The following C1QL3 variants were observed in gnomAD, a reference collection of about 807,000 sequenced individuals.
C1QL3 encodes the protein complement C1q-like protein 3.
Under a neutral mutation model 16.6 loss-of-function variants are expected in C1QL3, and 4 were observed. That is an observed-to-expected ratio of 0.24 (90% CI 0.12 to 0.55). The LOEUF (loss-of-function observed/expected upper bound fraction) is 0.55, where lower values mean the gene tolerates loss of function less well. Ranked by LOEUF, C1QL3 falls within the 20% of genes least tolerant of loss-of-function variation. The pLI is 0.94. For synonymous variants in C1QL3, 189 were observed against 160.2 expected (o/e 1.18, Z -1.36); for missense variants, 269 against 365.6 (o/e 0.74, Z 2.16).
chr10:16,516,794 G>A (rs1217178235), intron 1 of C1QL3, among the ~76,000 whole-genome samples: 1 of 152,206 alleles, frequency 6.6e-6, no homozygotes, highest in African/African-American at 2.4e-5. Context: ...ATGCATTAGA[G>A]TGATTCCACA....
In C1QL3 at chr10:16,521,341, G is replaced by A. The variant is rs567871011; in HGVS notation, c.-276C>T. The A allele has an allele frequency of 2.8e-5, 10 of 354,862 alleles. No homozygotes were observed. The highest frequency in any genetic ancestry group is 1.4e-4 in the East Asian group (3 of 21,152). 22.0% of individuals were successfully genotyped at this position (354,862 alleles called of 1,614,324 possible). On this transcript the variant is annotated 5_prime_UTR_variant, in exon 1 of 2. Coordinates refer to ENST00000298943, the MANE Select transcript of C1QL3 (RefSeq NM_001010908.2). ...GCCGAAGTCCCGAGCCCGGGGTGGG[G>A]GCCGGGGGAGGGGTGCGCGGGGCGC...
Position 16,514,451 on chromosome 10 carries a change from G to A in C1QL3, c.*77C>T, listed in dbSNP as rs1453655797. On this transcript the variant is annotated 3_prime_UTR_variant, in exon 2 of 2. Transcript: ENST00000298943. ...AGGTGCCCTGCCATTGGCATCCCCT[G>A]GGATCCTTGATTCACTGACGTTAGC... 1 of 1,298,320 alleles carries A rather than the reference G, an allele frequency of 7.7e-7. No individual in the cohort carries two copies. The highest frequency in any genetic ancestry group is 1.1e-6 in the Non-Finnish European group (1 of 918,632). The allele number at this position is 1,298,320 out of a possible 1,614,324, so 80.4% of individuals were successfully genotyped here.
Position 16,520,371 on chromosome 10 carries a change from G to A in C1QL3, c.588+107C>T, listed in dbSNP as rs1588642269. The A allele has an allele frequency of 5.1e-5, 45 of 878,180 alleles. No homozygotes were observed. In the East Asian group the frequency reaches 1.3e-3, roughly 25 times the overall value. 54.4% of individuals were successfully genotyped at this position (878,180 alleles called of 1,614,324 possible). On this transcript the variant is annotated intron_variant, in intron 1 of 1. Coordinates refer to ENST00000298943, the MANE Select transcript of C1QL3 (RefSeq NM_001010908.2). The surrounding 1 kb of genome is among the most constrained non-coding windows in gnomAD (Gnocchi z 8.3). ...CGTCGCTCCAGGGAGCCCGGCCGCC[G>A]CGCCCTTCCTCCGCGGGCTCCCACC...
chr10:16,520,444 C>CACCCCCCCCCA lies in C1QL3; in HGVS notation c.588+33_588+34insTGGGGGGGGGT. On this transcript the variant is annotated intron_variant, in intron 1 of 1. Coordinates refer to ENST00000298943, the MANE Select transcript of C1QL3 (RefSeq NM_001010908.2). The surrounding 1 kb of genome is among the most constrained non-coding windows in gnomAD (Gnocchi z 8.3). The stretch of plus-strand genomic sequence containing the variant: ...TCTCGCCCGCACCTTCCCGCGCTCC[C>CACCCCCCCCCA]TCCCCGCCCTCCCCGCCGCCCGCCC... 1 of 1,271,928 alleles carries CACCCCCCCCCA rather than the reference C, an allele frequency of 7.9e-7. No homozygotes were observed. Among genetic ancestry groups the CACCCCCCCCCA allele is most frequent in the Non-Finnish European group, 1.1e-6 (1 of 914,008 alleles). 78.8% of individuals were successfully genotyped at this position (1,271,928 alleles called of 1,614,324 possible).
In C1QL3 at chr10:16,513,882, A is replaced by C. The variant is rs1836904995; in HGVS notation, c.*646T>G. ...TATTTTTAAAGACTATCACCAGAAA[A>C]GAGAGAAAAGAAAATTCATATAAGA... On this transcript the variant is annotated 3_prime_UTR_variant, in exon 2 of 2. Transcript: ENST00000298943. 6.4e-6 allele frequency: 1 copy of C among 155,288 alleles called. No individual in the cohort carries two copies. Among genetic ancestry groups the C allele is most frequent in the Admixed American group, 6.5e-5 (1 of 15,322 alleles). The allele number at this position is 155,288 out of a possible 1,614,324, so 9.6% of individuals were successfully genotyped here.
chr10:16,514,831 A>C, intron 1 of C1QL3, 124 bp from the exon 2 acceptor site: 1 of 687,356 alleles, frequency 1.5e-6, no homozygotes, highest in Non-Finnish European at 2.4e-6. Flanking sequence ...AGCAAAGTCC[A>C]TGTTGACCTC....
intron 1 of C1QL3, among the ~76,000 whole-genome samples, chr10:16,518,094 G>T (rs1033411270): frequency 6.6e-6 from 1 of 152,154 alleles, no homozygotes; most frequent in Admixed American, 6.5e-5. Flanking sequence ...GAAAAATTAA[G>T]TCAGCTCAGA....
At chr10:16,519,716 A>G (rs898559463) in intron 1 of C1QL3, among the ~76,000 whole-genome samples, 2 of 151,586 alleles carry the variant, frequency 1.3e-5, no homozygotes, top group African/African-American at 4.8e-5. Context: ...CCCCCAGGCC[A>G]CCTGCCTGAG....
chr10:16,520,948 C>A lies in C1QL3; in HGVS notation c.118G>T (p.Ala40Ser), dbSNP rs764842265. The A allele has an allele frequency of 1.9e-6, 3 of 1,575,714 alleles. No homozygotes were observed. Among genetic ancestry groups the A allele is most frequent in the Admixed American group, 3.5e-5 (2 of 56,482 alleles). ...TCGGGCGTGGCAGCGGTGCTGGGCG[C>A]CTTGGTGCCCCCGTAGGGGTCGCAG... ...MVCDPYGGTK[A>S]PSTAATPDRG... The change falls in exon 1 of 2, where the codon GCG becomes TCG. Residue 40 changes from alanine to serine, a missense_variant. Around this residue, in one of 2 missense-constraint regions of C1QL3, gnomAD observed 246 missense variants for 297.2 expected, o/e 0.83. Coordinates refer to ENST00000298943, the MANE Select transcript of C1QL3 (RefSeq NM_001010908.2). The surrounding 1 kb of genome is among the most constrained non-coding windows in gnomAD (Gnocchi z 8.3).
chr10:16,521,475 A>C lies in C1QL3; in HGVS notation c.-410T>G. 6.1e-6 allele frequency: 1 copy of C among 164,246 alleles called. No homozygotes were observed. Among genetic ancestry groups the C allele is most frequent in the East Asian group, 1.7e-4 (1 of 5,886 alleles). 10.2% of individuals were successfully genotyped at this position (164,246 alleles called of 1,614,324 possible). On this transcript the variant is annotated 5_prime_UTR_variant, in exon 1 of 2. Transcript: ENST00000298943. The stretch of plus-strand genomic sequence containing the variant: ...TCCTGAGCTCGCCCGGGCAGCTCAC[A>C]CTTTTATGCCGCCGCCGCCTGCGAT...
rs1164645740 is a variant in C1QL3 at position 16,520,871 on chromosome 10, C to T, written c.195G>A (p.Glu65=). Residue 65 remains glutamate (E), a synonymous_variant, in exon 1 of 2, where the codon GAG becomes GAA. Transcript: ENST00000298943. The surrounding 1 kb of genome is among the most constrained non-coding windows in gnomAD (Gnocchi z 8.3). ...LPTFIQGPKG[E]AGRPGKAGPR... ...GACCCGCCTTCCCGGGCCTGCCGGC[C>T]TCGCCTTTGGGGCCCTGGATGAAGG... The T allele has an allele frequency of 6.8e-7, 1 of 1,476,722 alleles. No homozygotes were observed. The highest frequency in any genetic ancestry group is 8.9e-7 in the Non-Finnish European group (1 of 1,117,978). The allele number at this position is 1,476,722 out of a possible 1,614,324, so 91.5% of individuals were successfully genotyped here.
At position 16,520,890 on chromosome 10, in the gene C1QL3, A is replaced by G; in HGVS notation, c.176T>C (p.Ile59Thr). ...RGLMQSLPTF[I>T]QGPKGEAGRP... The stretch of plus-strand genomic sequence containing the variant: ...GCCGGCCTCGCCTTTGGGGCCCTGG[A>G]TGAAGGTGGGCAGGGACTGCATGAG... The change falls in exon 1 of 2, where the codon ATC becomes ACC. Residue 59 changes from isoleucine to threonine, a missense_variant. Physicochemically the swap from Ile to Thr is moderately conservative, Grantham distance 89 (BLOSUM62 -1). Coordinates refer to ENST00000298943, the MANE Select transcript of C1QL3 (RefSeq NM_001010908.2). The surrounding 1 kb of genome is among the most constrained non-coding windows in gnomAD (Gnocchi z 8.3). 6.6e-7 allele frequency: 1 copy of G among 1,524,284 alleles called. No individual in the cohort carries two copies. The highest frequency in any genetic ancestry group is 8.7e-7 in the Non-Finnish European group (1 of 1,143,490). The allele number at this position is 1,524,284 out of a possible 1,614,324, so 94.4% of individuals were successfully genotyped here.
In C1QL3 at chr10:16,520,961, G is replaced by A; in HGVS notation, c.105C>T (p.Tyr35=). ...LGTCRMVCDP[Y]GGTKAPSTAA... is the part of the protein sequence containing the mutation. ...CGGTGCTGGGCGCCTTGGTGCCCCC[G>A]TAGGGGTCGCAGACCATGCGGCAGG... Residue 35 remains tyrosine, a synonymous_variant, in exon 1 of 2, where the codon TAC becomes TAT. Coordinates refer to ENST00000298943, the MANE Select transcript of C1QL3 (RefSeq NM_001010908.2). The surrounding 1 kb of genome is among the most constrained non-coding windows in gnomAD (Gnocchi z 8.3). 1 of 1,583,158 alleles carries A rather than the reference G, an allele frequency of 6.3e-7. No homozygotes were observed. The highest frequency in any genetic ancestry group is 8.5e-7 in the Non-Finnish European group (1 of 1,172,140).
Position 16,520,952 on chromosome 10 carries a change from G to T in C1QL3, c.114C>A (p.Thr38=). 1 of 1,577,626 alleles carries T rather than the reference G, an allele frequency of 6.3e-7. No individual in the cohort carries two copies. Among genetic ancestry groups the T allele is most frequent in the Non-Finnish European group, 8.5e-7 (1 of 1,169,812 alleles). ...GCGTGGCAGCGGTGCTGGGCGCCTT[G>T]GTGCCCCCGTAGGGGTCGCAGACCA... The part of the protein sequence containing the change: ...CRMVCDPYGG[T]KAPSTAATPD... Residue 38 remains threonine (T), a synonymous_variant, in exon 1 of 2, where the codon ACC becomes ACA. Coordinates refer to ENST00000298943, the MANE Select transcript of C1QL3 (RefSeq NM_001010908.2). The surrounding 1 kb of genome is among the most constrained non-coding windows in gnomAD (Gnocchi z 8.3).
In C1QL3 at chr10:16,520,860, G is replaced by A. The variant is rs1837030458; in HGVS notation, c.206C>T (p.Pro69Leu). ...GGGCCCGCGCGGACCCGCCTTCCCG[G>A]GCCTGCCGGCCTCGCCTTTGGGGCC... Reference protein sequence around the residue: ...IQGPKGEAGRPGKAGPRGPPG... With the variant: ...IQGPKGEAGRLGKAGPRGPPG... The change falls in exon 1 of 2, where the codon CCC becomes CTC. Residue 69 changes from proline to leucine, a missense_variant. Around this residue, in one of 2 missense-constraint regions of C1QL3, gnomAD observed 246 missense variants for 297.2 expected, o/e 0.83. Coordinates refer to ENST00000298943, the MANE Select transcript of C1QL3 (RefSeq NM_001010908.2). The surrounding 1 kb of genome is among the most constrained non-coding windows in gnomAD (Gnocchi z 8.3). 2 of 1,453,928 alleles carry A rather than the reference G, an allele frequency of 1.4e-6. No individual in the cohort carries two copies. Among genetic ancestry groups the A allele is most frequent in the Non-Finnish European group, 1.8e-6 (2 of 1,106,588 alleles). 90.1% of individuals were successfully genotyped at this position (1,453,928 alleles called of 1,614,324 possible). A position where few individuals can be genotyped will look rare whatever the true frequency, so the allele number is the denominator to read the frequency against.
Position 16,521,265 on chromosome 10 carries a change from C to G in C1QL3, c.-200G>C. On this transcript the variant is annotated 5_prime_UTR_variant, in exon 1 of 2. Transcript: ENST00000298943. ...CGGCCGCTGCTGCCGACTCCTGCTC[C>G]CCCCGCGGAGGCTGCGGCTGGGGAG... The G allele has an allele frequency of 1.9e-6, 1 of 537,616 alleles. No homozygotes were observed. Among genetic ancestry groups the G allele is most frequent in the Non-Finnish European group, 3.2e-6 (1 of 310,240 alleles). 33.3% of individuals were successfully genotyped at this position (537,616 alleles called of 1,614,324 possible).
At position 16,521,146 on chromosome 10, in the gene C1QL3, T is replaced by C; in HGVS notation, c.-81A>G. On this transcript the variant is annotated 5_prime_UTR_variant, in exon 1 of 2. Transcript: ENST00000298943. ...CTCAGCGCGGGGCGATCCTCTTGTC[T>C]GCTTTTGGACAGAATTTTGAAGGTT... 7.6e-7 allele frequency: 1 copy of C among 1,322,482 alleles called. No individual in the cohort carries two copies. Among genetic ancestry groups the C allele is most frequent in the Non-Finnish European group, 1.0e-6 (1 of 960,340 alleles). 81.9% of individuals were successfully genotyped at this position (1,322,482 alleles called of 1,614,324 possible).
rs1837028967 is a variant in C1QL3 at position 16,520,793 on chromosome 10, G to A, written c.273C>T (p.Gly91=). ...PGPPGPMGPP[G]EKGEPGRQGL... is the part of the protein sequence containing the mutation. Reference sequence around the variant, plus strand: ...CTTGGCGGCCCGGCTCGCCCTTCTCGCCCGGGGGCCCCATGGGGCCGGGTG... The same window carrying A: ...CTTGGCGGCCCGGCTCGCCCTTCTCACCCGGGGGCCCCATGGGGCCGGGTG... Residue 91 remains glycine (G), a synonymous_variant, in exon 1 of 2, where the codon GGC becomes GGT. Coordinates refer to ENST00000298943, the MANE Select transcript of C1QL3 (RefSeq NM_001010908.2). The surrounding 1 kb of genome is among the most constrained non-coding windows in gnomAD (Gnocchi z 8.3). 2 of 1,298,970 alleles carry A rather than the reference G, an allele frequency of 1.5e-6. No individual in the cohort carries two copies. The highest frequency in any genetic ancestry group is 2.0e-6 in the Non-Finnish European group (2 of 1,023,016). 80.5% of individuals were successfully genotyped at this position (1,298,970 alleles called of 1,614,324 possible).
In C1QL3 at chr10:16,520,742, G is replaced by C; in HGVS notation, c.324C>G (p.Pro108=). The change falls in exon 1 of 2, where the codon CCC becomes CCG. Residue 108 remains proline, a synonymous_variant. Transcript: ENST00000298943. The surrounding 1 kb of genome is among the most constrained non-coding windows in gnomAD (Gnocchi z 8.3). ...TGATGGCCCCGGCCGCGTTCAGGCCGGGCGCCCCGGGCGGGCCCGGCAGGC... is the reference window on the plus strand; with the variant it reads ...TGATGGCCCCGGCCGCGTTCAGGCCCGGCGCCCCGGGCGGGCCCGGCAGGC... ...RQGLPGPPGA[P]GLNAAGAISA... 2 of 1,429,018 alleles carry C rather than the reference G, an allele frequency of 1.4e-6. No homozygotes were observed. Among genetic ancestry groups the C allele is most frequent in the Non-Finnish European group, 1.8e-6 (2 of 1,088,768 alleles). The allele number at this position is 1,429,018 out of a possible 1,614,324, so 88.5% of individuals were successfully genotyped here. A position where few individuals can be genotyped will look rare whatever the true frequency, so the allele number is the denominator to read the frequency against.
Sources: gnomAD v4.1 joint callset for allele counts (sites outside exome capture counted in the v4.1 genomes callset) on GRCh38, gnomAD v4.1.1 for gene constraint, gnomAD v4.1.1 regional missense constraint, Gnocchi (gnomAD v3.1) non-coding constraint, MANE v1.5 for transcripts, NCBI Gene and HGNC (gene_info 2026-07-23, HGNC 2026-07-21) for gene names.